The following RIMS2 variants were observed in gnomAD, a reference collection of about 807,000 sequenced individuals.
RIMS2 encodes the protein regulating synaptic membrane exocytosis 2.
Under a neutral mutation model 174.4 loss-of-function variants are expected in RIMS2, and 59 were observed. That is an observed-to-expected ratio of 0.34 (90% CI 0.27 to 0.42). The LOEUF (loss-of-function observed/expected upper bound fraction) is 0.42, where lower values mean the gene tolerates loss of function less well. RIMS2 is among the 10% of genes least tolerant of loss of function. RIMS2 has a pLI of 1.00. For missense variants in RIMS2, 1,620 were observed against 1,666.3 expected, an observed-to-expected ratio of 0.97 and a Z score of 0.48; for synonymous variants, 606 against 572.5, an observed-to-expected ratio of 1.06 and a Z score of -0.84.
chr8:103,572,709 A>G (rs1464072295), intron 1 of RIMS2, among the ~76,000 whole-genome samples: 1 of 151,968 alleles, frequency 6.6e-6, no homozygotes. Context: ...TCTTCTTTTG[A>G]GAAATATCTG....
intron 19 of RIMS2, among the ~76,000 whole-genome samples, chr8:104,106,702 A>G (rs1222544866): frequency 1.1e-4 from 16 of 152,316 alleles, no homozygotes; most frequent in Admixed American, 5.2e-4. Flanking sequence ...ATGCTGCAGT[A>G]GCTTCCATCA....
At chr8:104,194,678 G>A (rs1387930645) in intron 19 of RIMS2, among the ~76,000 whole-genome samples, 1 of 152,048 alleles carries the variant, frequency 6.6e-6, no homozygotes, top group African/African-American at 2.4e-5. Flanking sequence ...TGAATAAATA[G>A]ACATATTATA....
chr8:103,812,378 T>A (rs2154464198), intron 3 of RIMS2, among the ~76,000 whole-genome samples: 1 of 142,754 alleles, frequency 7.0e-6, no homozygotes, highest in South Asian at 2.3e-4. Context: ...AGACAGAGTT[T>A]CACCCTTGTC....
chr8:104,009,414 C>T (rs35753936), intron 17 of RIMS2, among the ~76,000 whole-genome samples: 27,443 of 151,934 alleles, frequency 0.18, 2,773 homozygotes, highest in South Asian at 0.34. Flanking sequence ...CCACTTTAGC[C>T]TCCTGAACAA....
chr8:103,924,180 A>G (rs2078272074), intron 10 of RIMS2, among the ~76,000 whole-genome samples: 2 of 151,686 alleles, frequency 1.3e-5, no homozygotes, highest in Admixed American at 1.3e-4. Flanking sequence ...GCAAAGGAAA[A>G]TTTTAGGATT....
At position 104,137,370 on chromosome 8, in the gene RIMS2, G is replaced by A. The variant is rs144541356; in HGVS notation, c.3335-107546G>A. Among the ~76,000 whole-genome samples, 432 of 152,138 alleles carry A rather than the reference G, an allele frequency of 2.8e-3. 5 individuals carry two copies. The highest frequency in any genetic ancestry group is 9.7e-3 in the African/African-American group (402 of 41,494). On this transcript the variant is annotated intron_variant, in intron 19 of 23. Coordinates refer to ENST00000504942, the Ensembl canonical transcript of RIMS2. ...TATGTTACTTCATTGAGGTTGCTTC[G>A]TTAATTCATGAGGATTACCTCATCA...
At chr8:103,819,342 G>A in intron 3 of RIMS2, 5 of 1,486,184 alleles carry the variant, frequency 3.4e-6, no homozygotes, top group South Asian at 1.3e-5. Flanking sequence ...AATAATGACT[G>A]TACAATTAAC....
At chr8:103,596,139 A>G (rs1181483356) in intron 1 of RIMS2, among the ~76,000 whole-genome samples, 1 of 152,066 alleles carries the variant, frequency 6.6e-6, no homozygotes, top group East Asian at 1.9e-4. Flanking sequence ...TAATAAGCCA[A>G]TTAATTGAAT....
At chr8:103,639,958 T>C (rs1025515802) in intron 1 of RIMS2, among the ~76,000 whole-genome samples, 15 of 151,954 alleles carry the variant, frequency 9.9e-5, no homozygotes, top group African/African-American at 3.4e-4. Flanking sequence ...TGTTGAGTCT[T>C]TCTATTCATG....
intron 1 of RIMS2, among the ~76,000 whole-genome samples, chr8:103,607,138 G>GC (rs1443505032): frequency 6.6e-6 from 1 of 152,062 alleles, no homozygotes; most frequent in Non-Finnish European, 1.5e-5. Flanking sequence ...AGTGGCTGGT[G>GC]CCGGTTGTTC....
At chr8:104,043,569 T>C (rs552817067) in intron 19 of RIMS2, among the ~76,000 whole-genome samples, 7 of 151,792 alleles carry the variant, frequency 4.6e-5, no homozygotes, top group African/African-American at 1.7e-4. Flanking sequence ...TGTTTTCATG[T>C]GAAATCATGC....
chr8:104,161,803 C>A (rs1337337137), intron 19 of RIMS2, among the ~76,000 whole-genome samples: 1 of 152,226 alleles, frequency 6.6e-6, no homozygotes, highest in East Asian at 1.9e-4. Flanking sequence ...AGGCAAGACT[C>A]CATTTCCAAG....
intron 16 of RIMS2, among the ~76,000 whole-genome samples, chr8:103,980,433 A>G (rs1400217007): frequency 6.6e-6 from 1 of 152,224 alleles, no homozygotes; most frequent in Non-Finnish European, 1.5e-5. Context: ...AATGATACCC[A>G]GGAACTATGC....
chr8:103,757,099 A>G (rs1184569511), intron 2 of RIMS2, among the ~76,000 whole-genome samples: 2 of 137,432 alleles, frequency 1.5e-5, no homozygotes, highest in Non-Finnish European at 3.3e-5. Flanking sequence ...AGTGTAGAAC[A>G]GAGGTGGTGA....
chr8:103,868,407 C>G (rs983547298), intron 3 of RIMS2, among the ~76,000 whole-genome samples: 2 of 151,918 alleles, frequency 1.3e-5, no homozygotes, highest in Admixed American at 1.3e-4. Flanking sequence ...ACTCTTTACT[C>G]TCTGGATTTT....
chr8:103,582,568 G>T (rs941569812), intron 1 of RIMS2, among the ~76,000 whole-genome samples: 2 of 152,174 alleles, frequency 1.3e-5, no homozygotes, highest in Non-Finnish European at 2.9e-5. Context: ...ACCTGGAAGG[G>T]TGAGTCCCAG....
At chr8:103,582,022 C>A (rs2093648445) in intron 1 of RIMS2, among the ~76,000 whole-genome samples, 1 of 152,200 alleles carries the variant, frequency 6.6e-6, no homozygotes, top group Admixed American at 6.5e-5. Flanking sequence ...CAAAAGAGAA[C>A]TCTTTCTTCC....
intron 3 of RIMS2, among the ~76,000 whole-genome samples, chr8:103,780,755 C>T (rs908912231): frequency 1.1e-4 from 16 of 151,922 alleles, no homozygotes; most frequent in Admixed American, 1.0e-3. Context: ...TTGGTTTGTC[C>T]ATTTGGAGAG....
chr8:103,680,084 A>G (rs1050736367), intron 1 of RIMS2, among the ~76,000 whole-genome samples: 1 of 152,110 alleles, frequency 6.6e-6, no homozygotes, highest in Admixed American at 6.6e-5. Context: ...ACATCACTAG[A>G]AAGTTATATA....
Sources: gnomAD v4.1 joint callset for allele counts (sites outside exome capture counted in the v4.1 genomes callset) on GRCh38, gnomAD v4.1.1 for gene constraint, MANE v1.5 for transcripts, NCBI Gene and HGNC (gene_info 2026-07-23, HGNC 2026-07-21) for gene names.